The following ESRRB variants were observed in gnomAD, a reference collection of about 807,000 sequenced individuals.
The protein encoded by ESRRB is steroid hormone receptor ERR2.
A neutral mutation model predicts 46.0 loss-of-function variants in ESRRB; 16 were observed. The ratio of observed to expected loss-of-function variants is 0.35; its 90% CI spans 0.24 to 0.53. The LOEUF is 0.53. Ranked by LOEUF, ESRRB falls within the 20% of genes least tolerant of loss-of-function variation. The probability of loss-of-function intolerance (pLI) is 0.93; values close to 1 mark genes in which losing one functional copy is unlikely to be tolerated. For missense variants in ESRRB, 488 were observed against 607.4 expected, an observed-to-expected ratio of 0.80 and a Z score of 2.07; for synonymous variants, 246 against 259.6, an observed-to-expected ratio of 0.95 and a Z score of 0.50.
chr14:76,449,125 C>T (rs1157216598), intron 2 of ESRRB, among the ~76,000 whole-genome samples: 1 of 152,102 alleles, frequency 6.6e-6, no homozygotes, highest in Non-Finnish European at 1.5e-5. Context: ...CGTCCTACAC[C>T]ATAAGGGGAG....
intron 1 of ESRRB, among the ~76,000 whole-genome samples, chr14:76,333,035 A>T (rs373781415): frequency 2.9e-3 from 14 of 4,848 alleles, no homozygotes; most frequent in Non-Finnish European, 4.6e-3. Context: ...TATTATATAT[A>T]TTATATATTA....
At chr14:76,419,305 G>T (rs141056777) in intron 1 of ESRRB, among the ~76,000 whole-genome samples, 1 of 152,268 alleles carries the variant, frequency 6.6e-6, no homozygotes, top group Admixed American at 6.5e-5. Context: ...GTGAGCCACC[G>T]CACACGGCTG....
In ESRRB at chr14:76,482,771, G is replaced by A; in HGVS notation, c.850+12G>A. On this transcript the variant is annotated intron_variant, in intron 5 of 6. Transcript: ENST00000644823. This position sits in a 1 kb window ranked among gnomAD's most constrained non-coding sequence, Gnocchi z 4.3. The stretch of plus-strand genomic sequence containing the variant: ...CAAGCACATCCCAGGTGAGCATGTG[G>A]GACCAGGGGAGAGTGTGGCCAGGGA... The A allele has an allele frequency of 6.2e-7, 1 of 1,613,746 alleles. No individual in the cohort carries two copies. Among genetic ancestry groups the A allele is most frequent in the Non-Finnish European group, 8.5e-7 (1 of 1,179,972 alleles).
chr14:76,448,670 C>T lies in ESRRB; in HGVS notation c.460+8920C>T, dbSNP rs369242142. 2.9e-4 allele frequency among the ~76,000 whole-genome samples: 44 copies of T among 151,824 alleles called. No individual in the cohort carries two copies. The South Asian group carries it at 9.1e-3, about 32-fold the overall frequency. On this transcript the variant is annotated intron_variant, in intron 2 of 6. Transcript: ENST00000644823. ...TTCGATTTTCACTTAACCCCATGTC[C>T]TCTCACAGTACCTGGCATGTAGAAG...
Position 76,431,280 on chromosome 14 carries a change from C to T in ESRRB, c.51-8061C>T, listed in dbSNP as rs190704333. On this transcript the variant is annotated intron_variant, in intron 1 of 6. Transcript: ENST00000644823. ...CTGCACTCCAGCCTGGATGACAGAA[C>T]AAGACTCCATCTCAAACAAAACAAA... Among the ~76,000 whole-genome samples, 3 of 152,274 alleles carry T rather than the reference C, an allele frequency of 2.0e-5. No individual in the cohort carries two copies. The East Asian group carries it at 5.8e-4, about 29-fold the overall frequency.
At chr14:76,494,537 C>T (rs1451834372) in intron 6 of ESRRB, among the ~76,000 whole-genome samples, 2 of 152,166 alleles carry the variant, frequency 1.3e-5, no homozygotes, top group South Asian at 4.1e-4. Context: ...AAACTCCCGA[C>T]CTCAGGTGAT....
chr14:76,462,161 T>TGTGGTGGTG (rs61608653), intron 2 of ESRRB, among the ~76,000 whole-genome samples: 1 of 151,370 alleles, frequency 6.6e-6, no homozygotes, highest in Admixed American at 6.6e-5. Flanking sequence ...TGGAGGAGCC[T>TGTGGTGGTG]GTGGTGGTGG....
At chr14:76,417,253 G>A (rs1886746183) in intron 1 of ESRRB, among the ~76,000 whole-genome samples, 1 of 152,210 alleles carries the variant, frequency 6.6e-6, no homozygotes, top group Non-Finnish European at 1.5e-5. Context: ...AGCTGTGTGG[G>A]TATCTGGGTA....
intron 1 of ESRRB, among the ~76,000 whole-genome samples, chr14:76,392,274 G>C (rs566210901): frequency 1.5e-4 from 23 of 152,338 alleles, no homozygotes; most frequent in Admixed American, 9.1e-4. Flanking sequence ...GCAGGCAGGG[G>C]CATATCCGAG....
At chr14:76,386,454 ATTTT>A (rs10573960) in intron 1 of ESRRB, among the ~76,000 whole-genome samples, 10 of 112,832 alleles carry the variant, frequency 8.9e-5, no homozygotes, top group Admixed American at 1.9e-4. Flanking sequence ...CGGTTTTTTA[ATTTT>A]TTTTTTTTTT....
chr14:76,416,392 G>A (rs1886701618), intron 1 of ESRRB, among the ~76,000 whole-genome samples: 1 of 152,078 alleles, frequency 6.6e-6, no homozygotes, highest in African/African-American at 2.4e-5. Context: ...CCAAAGTGCT[G>A]GGATTACAGG....
rs543949027 is a variant in ESRRB at position 76,394,081 on chromosome 14, G to A, written c.50+17630G>A. Among the ~76,000 whole-genome samples the A allele has an allele frequency of 3.7e-4, 56 of 150,936 alleles. 1 individual carries two copies. In the South Asian group the frequency reaches 0.012, roughly 31 times the overall value. The stretch of plus-strand genomic sequence containing the variant: ...CTCCCAAAATGCTGGTATTACAGGC[G>A]TGAGCCACCGTGCCCAGCCTAGAAC... On this transcript the variant is annotated intron_variant, in intron 1 of 6. Coordinates refer to ENST00000644823, the MANE Select transcript of ESRRB (RefSeq NM_001379180.1).
At chr14:76,353,224 G>A (rs1047444026) in intron 1 of ESRRB, among the ~76,000 whole-genome samples, 2 of 152,198 alleles carry the variant, frequency 1.3e-5, no homozygotes, top group Admixed American at 6.5e-5. Flanking sequence ...GAGGTTTCAG[G>A]GCTTGCCCTC....
intron 1 of ESRRB, among the ~76,000 whole-genome samples, chr14:76,384,955 A>G (rs9805980): frequency 0.53 from 81,148 of 151,910 alleles, 21,589 homozygotes; most frequent in Admixed American, 0.58. Flanking sequence ...CTGAATTTCC[A>G]TGTCCCTTCT....
chr14:76,326,021 A>G (rs1201952771), intron 1 of ESRRB, among the ~76,000 whole-genome samples: 1 of 152,198 alleles, frequency 6.6e-6, no homozygotes. Context: ...CCCTAGTGAT[A>G]TAAAGGCTAA....
intron 1 of ESRRB, among the ~76,000 whole-genome samples, chr14:76,418,024 T>TG (rs1179057629): frequency 6.6e-6 from 1 of 150,424 alleles, no homozygotes; most frequent in Non-Finnish European, 1.5e-5. Context: ...GACACAATCT[T>TG]GGCCCACTGC....
At chr14:76,329,537 A>T (rs1399700166) in intron 1 of ESRRB, among the ~76,000 whole-genome samples, 1 of 152,208 alleles carries the variant, frequency 6.6e-6, no homozygotes, top group Non-Finnish European at 1.5e-5. Context: ...TTAAAAGGTG[A>T]AAAGCTCCAT....
chr14:76,459,256 G>A (rs1224885875), intron 2 of ESRRB, among the ~76,000 whole-genome samples: 2 of 152,196 alleles, frequency 1.3e-5, no homozygotes, highest in Non-Finnish European at 2.9e-5. Context: ...GCATTCGCCA[G>A]TGTGAGCTCC....
chr14:76,482,021 C>A lies in ESRRB; in HGVS notation c.583C>A (p.Arg195Ser), dbSNP rs138510486. ...LKVGMLKEGV[R>S]LDRVRGGRQK... ...TTCCCTTTCCTCCCCAATAGGTGTG[C>A]GCCTTGATCGAGTGCGTGGAGGCCG... Residue 195 changes from arginine to serine, a missense_variant, in exon 4 of 7, where the codon CGC becomes AGC. Physicochemically the swap from Arg to Ser is moderately radical, Grantham distance 110. Transcript: ENST00000644823. This position sits in a 1 kb window ranked among gnomAD's most constrained non-coding sequence, Gnocchi z 4.3. 7 of 1,613,708 alleles carry A rather than the reference C, an allele frequency of 4.3e-6. No individual in the cohort carries two copies. The highest frequency in any genetic ancestry group is 5.1e-6 in the Non-Finnish European group (6 of 1,179,720).
Sources: allele counts gnomAD v4.1 joint callset (sites outside exome capture counted in the v4.1 genomes callset), GRCh38; gene constraint gnomAD v4.1.1; non-coding constraint Gnocchi (gnomAD v3.1); transcripts MANE v1.5; gene names NCBI Gene and HGNC (gene_info 2026-07-23, HGNC 2026-07-21).